The following NCAM2 variants were observed in gnomAD, a reference collection of about 807,000 sequenced individuals.
NCAM2 encodes neural cell adhesion molecule 2.
In NCAM2, 30 loss-of-function variants were observed where a neutral mutation model predicts 98.1. The ratio of observed to expected loss-of-function variants is 0.31; its 90% confidence interval spans 0.23 to 0.41. The LOEUF (loss-of-function observed/expected upper bound fraction) is 0.41, where lower values mean the gene tolerates loss of function less well. NCAM2 is among the 10% of genes least tolerant of loss of function. The pLI, the probability that NCAM2 is intolerant of heterozygous loss-of-function variation, is 1.00. For missense variants in NCAM2, 867 were observed against 1,005.8 expected, an observed-to-expected ratio of 0.86 and a Z score of 1.87; for synonymous variants, 368 against 342.4, an observed-to-expected ratio of 1.07 and a Z score of -0.83.
chr21:21,415,519 T>C (rs1159622376), intron 10 of NCAM2, among the ~76,000 whole-genome samples: 2 of 151,656 alleles, frequency 1.3e-5, no homozygotes, highest in Non-Finnish European at 2.9e-5. Flanking sequence ...GTACTTTTAG[T>C]AGAGACAGGG....
chr21:21,530,231 TATTTAATTTAAATTAATTATATATA>T (rs1989579826), intron 16 of NCAM2, among the ~76,000 whole-genome samples: 5 of 48,582 alleles, frequency 1.0e-4, no homozygotes, highest in African/African-American at 2.5e-4. Flanking sequence ...TAATTATATA[TATTTAATTTAAATTAATTATATATA>T]ATTTAATTTA....
intron 1 of NCAM2, among the ~76,000 whole-genome samples, chr21:21,266,930 A>C (rs948919427): frequency 3.3e-5 from 5 of 152,290 alleles, no homozygotes; most frequent in African/African-American, 1.2e-4. Flanking sequence ...AGACATATGC[A>C]GGTTTGTTGC....
intron 1 of NCAM2, among the ~76,000 whole-genome samples, chr21:21,001,128 T>G (rs1568914192): frequency 6.6e-6 from 1 of 152,184 alleles, no homozygotes; most frequent in East Asian, 1.9e-4. Context: ...ATGTATTCCC[T>G]TTTTAGGAGT....
chr21:21,301,756 A>C (rs2073722554), intron 5 of NCAM2, among the ~76,000 whole-genome samples: 1 of 151,764 alleles, frequency 6.6e-6, no homozygotes, highest in Non-Finnish European at 1.5e-5. Context: ...TGGTGTAACA[A>C]ATTTACAAGA....
intron 1 of NCAM2, among the ~76,000 whole-genome samples, chr21:21,136,043 A>AC (rs11377638): frequency 0.42 from 64,266 of 151,898 alleles, 14,133 homozygotes; most frequent in African/African-American, 0.55. Flanking sequence ...TTAGTGACTT[A>AC]CAAGAATTGT....
chr21:21,229,208 C>T (rs2070516513), intron 1 of NCAM2, among the ~76,000 whole-genome samples: 2 of 151,324 alleles, frequency 1.3e-5, no homozygotes, highest in South Asian at 4.2e-4. Flanking sequence ...TAAAATATAC[C>T]TAAATGCATT....
chr21:21,031,500 T>A (rs1601147713), intron 1 of NCAM2, among the ~76,000 whole-genome samples: 2 of 152,182 alleles, frequency 1.3e-5, no homozygotes, highest in African/African-American at 4.8e-5. Flanking sequence ...GCCTTCTGAT[T>A]TTATTGCCTG....
rs115343928 is a variant in NCAM2, at chr21:21,525,524, A to G, written c.2283-9013A>G. ...ATCAAACAAATTGAATTAATAATTT[A>G]TAGTCTCCCCAGACAGAAAGCACCA... is the stretch of plus-strand genomic sequence containing the variant. On this transcript the variant is annotated intron_variant, in intron 16 of 17. Coordinates refer to ENST00000400546, the MANE Select transcript of NCAM2 (RefSeq NM_004540.5). 4.8e-3 allele frequency among the ~76,000 whole-genome samples: 731 copies of G among 152,272 alleles called. 4 individuals carry two copies. The highest frequency in any genetic ancestry group is 0.014 in the African/African-American group (589 of 41,590).
At chr21:21,130,809 T>C (rs1282249587) in intron 1 of NCAM2, among the ~76,000 whole-genome samples, 1 of 152,142 alleles carries the variant, frequency 6.6e-6, no homozygotes. Context: ...TCTGGGTGAA[T>C]ATTTAAAATG....
intron 10 of NCAM2, among the ~76,000 whole-genome samples, chr21:21,412,256 G>T (rs2076902212): frequency 6.6e-6 from 1 of 152,132 alleles, no homozygotes; most frequent in Non-Finnish European, 1.5e-5. Flanking sequence ...CAGAGTTCTG[G>T]TGTCTTCCTT....
At chr21:21,305,473 T>G (rs1355460348) in intron 5 of NCAM2, among the ~76,000 whole-genome samples, 2 of 152,160 alleles carry the variant, frequency 1.3e-5, no homozygotes, top group African/African-American at 4.8e-5. Flanking sequence ...TTGAACACAC[T>G]TGGCCTTGTC....
intron 1 of NCAM2, among the ~76,000 whole-genome samples, chr21:21,029,103 A>T (rs1323425062): frequency 1.3e-5 from 2 of 152,198 alleles, no homozygotes; most frequent in African/African-American, 4.8e-5. Context: ...GTGGTAATTG[A>T]TAAACAGAAA....
chr21:21,003,533 C>G (rs1015484177), intron 1 of NCAM2, among the ~76,000 whole-genome samples: 1 of 152,070 alleles, frequency 6.6e-6, no homozygotes, highest in African/African-American at 2.4e-5. Context: ...TGATGCTCGG[C>G]CATGAGGAGC....
chr21:21,358,004 C>T lies in NCAM2; in HGVS notation c.1045-15859C>T, dbSNP rs189290279. 2.2e-4 allele frequency among the ~76,000 whole-genome samples: 33 copies of T among 152,150 alleles called. 1 individual carries two copies. The highest frequency in any genetic ancestry group is 3.4e-3 in the Middle Eastern group (1 of 294). Reference sequence around the variant, plus strand: ...TAGTACATCAACAGGGTTGTAATTACGAAAACGCATAGAATTTGCAACAGA... The same window carrying T: ...TAGTACATCAACAGGGTTGTAATTATGAAAACGCATAGAATTTGCAACAGA... On this transcript the variant is annotated intron_variant, in intron 8 of 17. Transcript: ENST00000400546.
chr21:21,501,168 T>C (rs1051087669), intron 15 of NCAM2, among the ~76,000 whole-genome samples: 3 of 152,058 alleles, frequency 2.0e-5, no homozygotes, highest in Non-Finnish European at 4.4e-5. Context: ...CAATTTAATA[T>C]AATATCCAGG....
chr21:21,424,727 A>G (rs548530902), intron 11 of NCAM2, among the ~76,000 whole-genome samples: 1 of 152,146 alleles, frequency 6.6e-6, no homozygotes, highest in Non-Finnish European at 1.5e-5. Context: ...TAAGTTATAG[A>G]TCTTAAAAAC....
intron 9 of NCAM2, among the ~76,000 whole-genome samples, chr21:21,403,315 T>C (rs1455260095): frequency 6.6e-6 from 1 of 152,160 alleles, no homozygotes; most frequent in Non-Finnish European, 1.5e-5. Flanking sequence ...AATATATTTA[T>C]TTACTTTTGC....
intron 1 of NCAM2, among the ~76,000 whole-genome samples, chr21:21,265,287 G>T (rs1348623589): frequency 7.9e-6 from 1 of 126,630 alleles, no homozygotes; most frequent in Non-Finnish European, 1.6e-5. Flanking sequence ...ACACATATGT[G>T]TGTATATATA....
chr21:21,385,349 A>C (rs1169692566), intron 9 of NCAM2, among the ~76,000 whole-genome samples: 1 of 149,990 alleles, frequency 6.7e-6, no homozygotes, highest in African/African-American at 2.4e-5. Context: ...ACAAAAAATT[A>C]CAAAGACATT....
Sources: allele counts gnomAD v4.1 joint callset (sites outside exome capture counted in the v4.1 genomes callset), GRCh38; gene constraint gnomAD v4.1.1; transcripts MANE v1.5; gene names NCBI Gene and HGNC (gene_info 2026-07-23, HGNC 2026-07-21).